BTD: variants seen among roughly 807,000 people sequenced by gnomAD.
BTD encodes the protein biocytinase.
A neutral mutation model predicts 17.7 loss-of-function variants in BTD; 13 were observed. The ratio of observed to expected loss-of-function variants is 0.74; its 90% CI spans 0.48 to 1.17. The LOEUF (loss-of-function observed/expected upper bound fraction) is 1.17, where lower values mean the gene tolerates loss of function less well. Ranked by LOEUF, BTD falls within the 50% of genes most tolerant of loss-of-function variation. The pLI, the probability that BTD is intolerant of heterozygous loss-of-function variation, is 0.00. For synonymous variants in BTD, 240 were observed against 245.2 expected, an observed-to-expected ratio of 0.98 and a Z score of 0.20; for missense variants, 674 against 650.4, an observed-to-expected ratio of 1.04 and a Z score of -0.39.
At chr3:15,705,463 C>T (rs928779117) in intron 3 of BTD, among the ~76,000 whole-genome samples, 1 of 152,038 alleles carries the variant, frequency 6.6e-6, no homozygotes, top group African/African-American at 2.4e-5. Flanking sequence ...TACCCAATAA[C>T]CAGTCTGTGA....
chr3:15,689,729 A>T (rs914707157), intron 3 of BTD: 2 of 265,390 alleles, frequency 7.5e-6, no homozygotes, highest in African/African-American at 2.2e-5. Flanking sequence ...CCTACATGTA[A>T]ACAACTTTAT....
At chr3:15,640,700 A>C (rs2065474592) in intron 2 of BTD, among the ~76,000 whole-genome samples, 1 of 152,090 alleles carries the variant, frequency 6.6e-6, no homozygotes, top group African/African-American at 2.4e-5. Context: ...CGTATTTTTT[A>C]AAGTTCTTAA....
chr3:15,619,366 G>T (rs80000073), intron 1 of BTD, among the ~76,000 whole-genome samples: 3,228 of 152,220 alleles, frequency 0.021, 212 homozygotes, highest in Admixed American at 0.12. Context: ...TGTCACACCA[G>T]CTGGAGTGCA....
At chr3:15,720,844 T>C (rs1186365975) in intron 4 of BTD, 1 of 1,352,928 alleles carries the variant, frequency 7.4e-7, no homozygotes, top group East Asian at 2.3e-5. Flanking sequence ...TATTGCTCAA[T>C]GGTATTCACC....
At chr3:15,604,193 G>A (rs577551770) in intron 1 of BTD, among the ~76,000 whole-genome samples, 8 of 152,218 alleles carry the variant, frequency 5.3e-5, no homozygotes, top group Non-Finnish European at 8.8e-5. Context: ...CCTGCAACAA[G>A]CTTCTGCCTG....
downstream of BTD, chr3:15,714,570 CT>C: frequency 8.1e-7 from 1 of 1,236,244 alleles, no homozygotes; most frequent in East Asian, 2.8e-5. Flanking sequence ...AACAGAAATA[CT>C]TTTTACCACT....
intron 1 of BTD, among the ~76,000 whole-genome samples, chr3:15,613,825 T>C (rs1426913215): frequency 6.6e-6 from 1 of 152,190 alleles, no homozygotes; most frequent in African/African-American, 2.4e-5. Context: ...ACAGTTATTT[T>C]TTCTTAGCAC....
At chr3:15,722,130 G>T (rs192736892) in exon 5 of BTD, among the ~76,000 whole-genome samples, 8 of 152,306 alleles carry the variant, frequency 5.3e-5, no homozygotes, top group African/African-American at 1.9e-4. Flanking sequence ...AGAGAGGTCT[G>T]TCCTTTGCCC....
Position 15,720,943 on chromosome 3 carries a change from A to G in BTD, c.1016-827A>G, listed in dbSNP as rs755936976. The G allele has an allele frequency of 1.2e-5, 19 of 1,613,674 alleles. No individual in the cohort carries two copies. In the South Asian group the frequency reaches 2.0e-4, roughly 17 times the overall value. ...CATATTGACATCGGCCCCATTGCCA[A>G]CTAGAAGCTCTAAACACAATGCTCC... On this transcript the variant is annotated intron_variant, in intron 4 of 4. Coordinates refer to the BTD transcript ENST00000672427.
chr3:15,706,377 G>GA (rs1369903546), intron 3 of BTD, among the ~76,000 whole-genome samples: 1 of 110 alleles, frequency 9.1e-3, no homozygotes, highest in Non-Finnish European at 0.019. Flanking sequence ...TGCTCAGAAT[G>GA]ATGTTTCCAG....
chr3:15,670,857 C>A (rs1413589870), intron 3 of BTD, among the ~76,000 whole-genome samples: 5 of 152,056 alleles, frequency 3.3e-5, no homozygotes, highest in Non-Finnish European at 1.5e-5. Context: ...AAAAACTGGG[C>A]TAGAATAAGA....
chr3:15,630,725 C>T (rs2065184671), intron 1 of BTD, among the ~76,000 whole-genome samples: 3 of 152,144 alleles, frequency 2.0e-5, no homozygotes, highest in Admixed American at 6.5e-5. Context: ...CACCTCAACT[C>T]AGAGGACATA....
intron 1 of BTD, among the ~76,000 whole-genome samples, chr3:15,608,782 G>T (rs189006164): frequency 1.4e-5 from 2 of 147,966 alleles, no homozygotes; most frequent in East Asian, 4.0e-4. Flanking sequence ...AAAAAAAAAA[G>T]AAATCATAGT....
downstream of BTD, among the ~76,000 whole-genome samples, chr3:15,717,300 A>G (rs2073182607): frequency 1.3e-5 from 2 of 152,274 alleles, no homozygotes; most frequent in South Asian, 4.1e-4. Context: ...TTATAAGCCT[A>G]TATGTGGCAC....
intron 1 of BTD, chr3:15,630,099 A>G: frequency 7.1e-6 from 7 of 985,354 alleles, no homozygotes; most frequent in Non-Finnish European, 7.2e-6. Flanking sequence ...CAAATTCAAA[A>G]AGATGCCATC....
chr3:15,607,382 A>G (rs910436378), intron 1 of BTD, among the ~76,000 whole-genome samples: 5 of 152,250 alleles, frequency 3.3e-5, no homozygotes, highest in Non-Finnish European at 4.4e-5. Context: ...AGATTATGAA[A>G]AAGAGCAAAT....
chr3:15,704,289 C>T (rs903280767), intron 3 of BTD, among the ~76,000 whole-genome samples: 2 of 151,892 alleles, frequency 1.3e-5, no homozygotes, highest in Non-Finnish European at 2.9e-5. Context: ...AGCAGAATGA[C>T]TAGAATGAGT....
intron 3 of BTD, among the ~76,000 whole-genome samples, chr3:15,696,568 T>C (rs1301540600): frequency 1.3e-5 from 2 of 152,076 alleles, no homozygotes; most frequent in South Asian, 2.1e-4. Flanking sequence ...CAATGTTGGA[T>C]AGGATTAAAC....
intron 1 of BTD, among the ~76,000 whole-genome samples, chr3:15,621,446 C>T (rs1166481147): frequency 6.6e-6 from 1 of 152,152 alleles, no homozygotes; most frequent in Non-Finnish European, 1.5e-5. Flanking sequence ...TGGTAGAATT[C>T]ACCAATGAAC....
Sources: gnomAD v4.1 joint callset for allele counts (sites outside exome capture counted in the v4.1 genomes callset) on GRCh38, gnomAD v4.1.1 for gene constraint, MANE v1.5 for transcripts, NCBI Gene and HGNC (gene_info 2026-07-23, HGNC 2026-07-21) for gene names.